NPC1L1: variants seen among roughly 807,000 people sequenced by gnomAD.
The protein encoded by NPC1L1 is NPC1 like intracellular cholesterol transporter 1.
NPC1L1 carries 98 observed loss-of-function variants against 117.0 expected under a neutral mutation model. The observed-to-expected ratio is 0.84, with a 90% confidence interval of 0.71 to 0.99. The LOEUF is 0.99. Ranked by LOEUF, NPC1L1 falls within the 50% of genes least tolerant of loss-of-function variation. The probability of loss-of-function intolerance (pLI) is 0.00; values close to 1 mark genes in which losing one functional copy is unlikely to be tolerated. For synonymous variants in NPC1L1, 729 were observed against 727.6 expected (o/e 1.00, Z -0.03); for missense variants, 1,540 against 1,710.0 (o/e 0.90, Z 1.75).
At chr7:44,518,174 T>C (rs1394668179) in intron 14 of NPC1L1, among the ~76,000 whole-genome samples, 1 of 151,880 alleles carries the variant, frequency 6.6e-6, no homozygotes, top group African/African-American at 2.4e-5. Context: ...GGTTTTTTGT[T>C]CTTGTTTTTG....
At chr7:44,528,010 A>G (rs763625584) in intron 10 of NPC1L1, among the ~76,000 whole-genome samples, 5 of 152,098 alleles carry the variant, frequency 3.3e-5, no homozygotes, top group Non-Finnish European at 7.4e-5. Context: ...TTTTTAGTAG[A>G]GATGGGGTTT....
chr7:44,537,850 C>T (rs1434087706), intron 2 of NPC1L1, among the ~76,000 whole-genome samples: 1 of 152,224 alleles, frequency 6.6e-6, no homozygotes, highest in Non-Finnish European at 1.5e-5. Flanking sequence ...TGGCTCCTCT[C>T]GTTCCTGCTA....
At chr7:44,518,886 C>T (rs369455974) in intron 14 of NPC1L1, among the ~76,000 whole-genome samples, 41 of 152,076 alleles carry the variant, frequency 2.7e-4, no homozygotes, top group Non-Finnish European at 5.3e-4. Context: ...CCCAGCAATT[C>T]GGGGTCTGCA....
At chr7:44,526,546 C>CAAAAAAAAA (rs372498105) in intron 10 of NPC1L1, among the ~76,000 whole-genome samples, 2 of 68,354 alleles carry the variant, frequency 2.9e-5, no homozygotes, top group African/African-American at 1.4e-4. Flanking sequence ...GACTCCATCT[C>CAAAAAAAAA]AAAAAAAAAA....
Position 44,521,097 on chromosome 7 carries a change from T to A in NPC1L1, c.2975A>T (p.Asn992Ile). 1 of 1,614,124 alleles carries A rather than the reference T, an allele frequency of 6.2e-7. No individual in the cohort carries two copies. Reference protein sequence around the residue: ...STVNSLNCLKNCMSITMGSVR... With the variant: ...STVNSLNCLKICMSITMGSVR... Reference sequence around the variant, plus strand: ...AGAGCCCATCGTGATGCTCATGCAGTTCTTTAGGCAGTTCAGAGAGTCTGC... The same window carrying A: ...AGAGCCCATCGTGATGCTCATGCAGATCTTTAGGCAGTTCAGAGAGTCTGC... Residue 992 changes from asparagine to isoleucine, a missense_variant, in exon 13 of 19, where the codon AAC becomes ATC. By Grantham distance (149) the Asn-to-Ile change is moderately radical. This residue lies in a region of NPC1L1 where 742 missense variants were observed against 873.6 expected (regional missense o/e 0.85). Transcript: ENST00000381160.
At chr7:44,537,955 G>A (rs181285122) in intron 2 of NPC1L1, among the ~76,000 whole-genome samples, 146 of 152,292 alleles carry the variant, frequency 9.6e-4, no homozygotes, top group Non-Finnish European at 1.6e-3. Context: ...CAGGTAGCAG[G>A]GGACAGAAAG....
intron 14 of NPC1L1, among the ~76,000 whole-genome samples, chr7:44,517,563 C>T (rs760093226): frequency 2.0e-5 from 3 of 152,214 alleles, no homozygotes; most frequent in African/African-American, 7.2e-5. Flanking sequence ...CCATAGCTGG[C>T]CCCACTGCTG....
At chr7:44,531,660 C>T (rs1801702816) in intron 10 of NPC1L1, 95 bp downstream of exon 10, 1 of 1,086,450 alleles carries the variant, frequency 9.2e-7, no homozygotes, top group Non-Finnish European at 1.4e-6. Flanking sequence ...CTGGCCAAGC[C>T]CCTGGCCGGA....
intron 10 of NPC1L1, among the ~76,000 whole-genome samples, chr7:44,523,548 G>C (rs1471723132): frequency 6.6e-6 from 1 of 152,184 alleles, no homozygotes; most frequent in South Asian, 2.1e-4. Context: ...CAGCTTGCAG[G>C]AGCCAGGTAG....
chr7:44,519,444 G>T (rs1801286919), intron 14 of NPC1L1, among the ~76,000 whole-genome samples: 2 of 152,142 alleles, frequency 1.3e-5, no homozygotes, highest in Admixed American at 6.5e-5. Flanking sequence ...GCCTCACAGA[G>T]CCTGTTGTGC....
At position 44,521,842 on chromosome 7, in the gene NPC1L1, G is replaced by A. The variant is rs1262660500; in HGVS notation, c.2829-6C>T. ...CAGGGATGGCCAGGTAAGACCTAAGGGGCAGGTGGGAGGAAGGGTGAAAAG... is the reference window on the plus strand; with the variant it reads ...CAGGGATGGCCAGGTAAGACCTAAGAGGCAGGTGGGAGGAAGGGTGAAAAG... On this transcript the variant is annotated splice_polypyrimidine_tract_variant and splice_region_variant and intron_variant, in intron 11 of 18. Coordinates refer to ENST00000381160, the MANE Select transcript of NPC1L1 (RefSeq NM_001101648.2). 1.2e-6 allele frequency: 2 copies of A among 1,613,962 alleles called. No individual in the cohort carries two copies. Among genetic ancestry groups the A allele is most frequent in the South Asian group, 2.2e-5 (2 of 91,070 alleles).
chr7:44,531,192 G>C (rs569049171), intron 10 of NPC1L1, among the ~76,000 whole-genome samples: 1 of 152,304 alleles, frequency 6.6e-6, no homozygotes, highest in African/African-American at 2.4e-5. Flanking sequence ...CTGTTGGCCC[G>C]CACACTTACT....
chr7:44,535,884 T>C lies in NPC1L1; in HGVS notation c.1939A>G (p.Ile647Val). The C allele has an allele frequency of 1.2e-6, 2 of 1,613,370 alleles. No homozygotes were observed. The highest frequency in any genetic ancestry group is 2.7e-5 in the African/African-American group (2 of 74,952). Residue 647 changes from isoleucine to valine, a missense_variant, in exon 5 of 19, where the codon ATC becomes GTC. Ile to Val is a conservative substitution (Grantham distance 29). This residue lies in a region of NPC1L1 where 742 missense variants were observed against 873.6 expected (regional missense o/e 0.85). Transcript: ENST00000381160. ...ATSYIVIFLY[I>V]SLALGSYSSW... is the part of the protein sequence containing the mutation. Reference sequence around the variant, plus strand: ...GAATAGCTGCCCAGGGCCAGAGAGATGTACAGGAATATGACAATGTAGCTG... The same window carrying C: ...GAATAGCTGCCCAGGGCCAGAGAGACGTACAGGAATATGACAATGTAGCTG...
rs764999826 is a variant in NPC1L1 at position 44,513,554 on chromosome 7, G to A, written c.3892C>T (p.Arg1298Ter). 2.1e-5 allele frequency: 34 copies of A among 1,613,914 alleles called. No individual in the cohort carries two copies. The African/African-American group carries it at 2.4e-4, about 11-fold the overall frequency. Residue 1298 changes from arginine (R) to a stop codon, truncating the protein, a stop_gained, in exon 19 of 19, where the codon CGA becomes TGA. Transcript: ENST00000381160. LOFTEE classifies it low-confidence loss of function (END_TRUNC). ...MVASCPNHPS[R>*]VSTADNIYVN... Reference sequence around the variant, plus strand: ...TAGATGTTGTCAGCTGTGGAGACTCGGGAGGGGTGATTTGGGCAAGAGGCC... The same window carrying A: ...TAGATGTTGTCAGCTGTGGAGACTCAGGAGGGGTGATTTGGGCAAGAGGCC...
At position 44,516,164 on chromosome 7, in the gene NPC1L1, T is replaced by C. The variant is rs374090087; in HGVS notation, c.3553A>G (p.Ile1185Val). The change falls in exon 17 of 19, where the codon ATT becomes GTT. Residue 1185 changes from isoleucine to valine, a missense_variant. Coordinates refer to ENST00000381160, the MANE Select transcript of NPC1L1 (RefSeq NM_001101648.2). ...VGMSVEFVSH[I>V]TRSFAISTKP... ...GTGCTGATGGCAAAGGAGCGGGTAA[T>C]GTGGGACACAAACTCCACAGACATG... 6.2e-7 allele frequency: 1 copy of C among 1,611,374 alleles called. No homozygotes were observed. The highest frequency in any genetic ancestry group is 8.5e-7 in the Non-Finnish European group (1 of 1,178,768).
chr7:44,513,691 G>A, intron 18 of NPC1L1, 42 bp from the exon 19 acceptor site: 1 of 1,598,800 alleles, frequency 6.3e-7, no homozygotes. Context: ...GGTGGGCAGG[G>A]GACACAGGTG....
intron 10 of NPC1L1, among the ~76,000 whole-genome samples, chr7:44,527,949 C>G (rs1801577119): frequency 6.6e-6 from 1 of 152,110 alleles, no homozygotes; most frequent in African/African-American, 2.4e-5. Context: ...CTCAGCCTCC[C>G]AAGTAGCTAG....
chr7:44,521,354 C>T (rs1188171655), intron 12 of NPC1L1, among the ~76,000 whole-genome samples: 3 of 152,222 alleles, frequency 2.0e-5, no homozygotes, highest in Non-Finnish European at 4.4e-5. Context: ...ACAGGCCCCA[C>T]AAAGGCCTCT....
intron 2 of NPC1L1, among the ~76,000 whole-genome samples, chr7:44,537,857 G>C (rs1451936463): frequency 6.6e-6 from 1 of 152,202 alleles, no homozygotes; most frequent in Admixed American, 6.5e-5. Context: ...TCTCGTTCCT[G>C]CTATTTCCAA....
Sources: allele counts gnomAD v4.1 joint callset (sites outside exome capture counted in the v4.1 genomes callset), GRCh38; gene constraint gnomAD v4.1.1; regional missense constraint gnomAD v4.1.1; transcripts MANE v1.5; gene names NCBI Gene and HGNC (gene_info 2026-07-23, HGNC 2026-07-21).